Variants in CYLD observed in about 807,000 individuals in gnomAD.
CYLD encodes the protein ubiquitin carboxyl-terminal hydrolase CYLD.
In CYLD, 26 loss-of-function variants were observed where a neutral mutation model predicts 104.5. The observed-to-expected ratio is 0.25, with a 90% confidence interval of 0.18 to 0.35. The LOEUF is 0.35. CYLD is among the 10% of genes least tolerant of loss of function. The probability of loss-of-function intolerance (pLI) is 1.00; values close to 1 mark genes in which losing one functional copy is unlikely to be tolerated. For synonymous variants in CYLD, 385 were observed against 399.9 expected (o/e 0.96, Z 0.45); for missense variants, 703 against 1,136.1 (o/e 0.62, Z 5.48).
In CYLD at chr16:50,800,178, C is replaced by T; in HGVS notation, c.*3670C>T. 1 of 232,898 alleles carries T rather than the reference C, an allele frequency of 4.3e-6. No homozygotes were observed. The highest frequency in any genetic ancestry group is 8.5e-6 in the Non-Finnish European group (1 of 117,856). The allele number at this position is 232,898 out of a possible 1,614,324, so 14.4% of individuals were successfully genotyped here. On this transcript the variant is annotated 3_prime_UTR_variant, in exon 19 of 19. Coordinates refer to ENST00000427738, the MANE Select transcript of CYLD (RefSeq NM_001378743.1). ...TCCTCTGCATAATGAGAGGGTTAGA[C>T]TACTGAATTGTATGGGAAAAAAATA...
At chr16:50,763,783 A>G (rs2150949097) in intron 5 of CYLD, among the ~76,000 whole-genome samples, 1 of 152,270 alleles carries the variant, frequency 6.6e-6, no homozygotes, top group East Asian at 1.9e-4. Context: ...TATTGAATAG[A>G]AGTAGTGATG....
intron 2 of CYLD, among the ~76,000 whole-genome samples, chr16:50,747,045 A>C (rs1190434663): frequency 2.0e-5 from 3 of 152,194 alleles, no homozygotes; most frequent in Non-Finnish European, 4.4e-5. Flanking sequence ...TTTTTCAAAA[A>C]AATTTTGGCC....
chr16:50,785,170 T>A (rs1242402245), intron 12 of CYLD: 1 of 152,146 alleles, frequency 6.6e-6, no homozygotes, highest in Non-Finnish European at 1.5e-5. Context: ...ATTAGGACCA[T>A]AGATCATAAA....
intron 13 of CYLD, chr16:50,787,259 A>C (rs1456661486): frequency 8.8e-6 from 3 of 341,192 alleles, no homozygotes; most frequent in Non-Finnish European, 1.1e-5. Flanking sequence ...GCAGAGTTGC[A>C]TTGGGTTTTC....
At chr16:50,777,567 T>C (rs939871929) in intron 7 of CYLD, among the ~76,000 whole-genome samples, 3 of 152,150 alleles carry the variant, frequency 2.0e-5, no homozygotes, top group African/African-American at 7.2e-5. Context: ...TTTTTAAAAA[T>C]GAGTGGGCTT....
intron 2 of CYLD, among the ~76,000 whole-genome samples, chr16:50,748,046 A>C (rs7198188): frequency 0.012 from 1,778 of 152,344 alleles, 37 homozygotes; most frequent in African/African-American, 0.04. Flanking sequence ...TTGATCATTA[A>C]GTGATTAAAT....
chr16:50,781,118 C>T, intron 9 of CYLD, 128 bp from the exon 10 acceptor site: 1 of 968,010 alleles, frequency 1.0e-6, no homozygotes, highest in Non-Finnish European at 1.6e-6. Context: ...TGATGAGGTT[C>T]TCAGTACAGG....
chr16:50,767,627 A>G (rs1232501124), intron 5 of CYLD, among the ~76,000 whole-genome samples: 1 of 152,170 alleles, frequency 6.6e-6, no homozygotes, highest in African/African-American at 2.4e-5. Context: ...TATACTGAAT[A>G]AGTTAGGAGA....
In CYLD at chr16:50,799,285, ATG is replaced by A. The variant is rs1215436713; in HGVS notation, c.*2785_*2786del. 4.3e-5 allele frequency: 10 copies of A among 233,214 alleles called. No homozygotes were observed. The highest frequency in any genetic ancestry group is 4.2e-5 in the Non-Finnish European group (5 of 118,010). 14.4% of individuals were successfully genotyped at this position (233,214 alleles called of 1,614,324 possible). A position where few individuals can be genotyped will look rare whatever the true frequency, so the allele number is the denominator to read the frequency against. ...TCATGTTCCTCACCTCCAAATAAAT[ATG>A]TGTGTGTCTGTGTGTGTGTATATAT... On this transcript the variant is annotated 3_prime_UTR_variant, in exon 19 of 19. Coordinates refer to ENST00000427738, the MANE Select transcript of CYLD (RefSeq NM_001378743.1).
chr16:50,759,260 T>C (rs758178545), intron 5 of CYLD, among the ~76,000 whole-genome samples: 7 of 152,066 alleles, frequency 4.6e-5, no homozygotes, highest in Non-Finnish European at 8.8e-5. Context: ...AACTTTTTAC[T>C]GTAGAATGTA....
intron 2 of CYLD, among the ~76,000 whole-genome samples, chr16:50,748,400 G>A (rs1050513367): frequency 1.3e-5 from 2 of 152,076 alleles, no homozygotes; most frequent in African/African-American, 4.8e-5. Flanking sequence ...TTTTAAATGA[G>A]GACCAGGTGC....
In CYLD at chr16:50,742,919, A is replaced by G. The variant is rs575871992; in HGVS notation, c.-124+78A>G. On this transcript the variant is annotated intron_variant, in intron 2 of 18. Coordinates refer to ENST00000427738, the MANE Select transcript of CYLD (RefSeq NM_001378743.1). ...GCGAATGGGGGGCGGGGGCGAAGTC[A>G]TGAAATCTTCAGGAGATGGTGTTGA... 3.5e-5 allele frequency: 14 copies of G among 397,380 alleles called. 1 individual carries two copies. The highest frequency in any genetic ancestry group is 2.9e-4 in the African/African-American group (14 of 48,708). The allele number at this position is 397,380 out of a possible 1,614,324, so 24.6% of individuals were successfully genotyped here.
intron 18 of CYLD, among the ~76,000 whole-genome samples, chr16:50,795,107 G>C (rs1157287353): frequency 6.6e-6 from 1 of 152,202 alleles, no homozygotes; most frequent in Admixed American, 6.5e-5. Flanking sequence ...ATCCTGGCAA[G>C]ATGGGGATTA....
At position 50,775,465 on chromosome 16, in the gene CYLD, CT is replaced by C. The variant is rs560613099; in HGVS notation, c.922+295del. On this transcript the variant is annotated intron_variant, in intron 6 of 18. Transcript: ENST00000427738. ...TATGCATAATTCTCTATGTTTTCCT[CT>C]TTTATATGTATAAGTGTTTGTATAC... Among the ~76,000 whole-genome samples the C allele has an allele frequency of 7.9e-5, 12 of 152,238 alleles. No homozygotes were observed. The South Asian group carries it at 2.3e-3, about 29-fold the overall frequency.
Position 50,793,715 on chromosome 16 carries a change from T to C in CYLD, c.2469+51T>C, listed in dbSNP as rs755293083. ...AAACTTTTGTTGAACAGTAACTTATTTATAGTTGAAAACACAATGCTCGTT... is the reference window on the plus strand; with the variant it reads ...AAACTTTTGTTGAACAGTAACTTATCTATAGTTGAAAACACAATGCTCGTT... On this transcript the variant is annotated intron_variant, in intron 17 of 18. Transcript: ENST00000427738. 3.4e-6 allele frequency: 4 copies of C among 1,168,138 alleles called. No individual in the cohort carries two copies. In the East Asian group the frequency reaches 7.0e-5, roughly 20 times the overall value. The allele number at this position is 1,168,138 out of a possible 1,614,324, so 72.4% of individuals were successfully genotyped here.
intron 5 of CYLD, among the ~76,000 whole-genome samples, chr16:50,762,848 A>G (rs987143443): frequency 1.3e-5 from 2 of 152,250 alleles, no homozygotes; most frequent in South Asian, 2.1e-4. Context: ...ATGTAGAAAT[A>G]CAATTGACTT....
chr16:50,793,865 A>G (rs1430015700), intron 17 of CYLD, among the ~76,000 whole-genome samples: 1 of 151,770 alleles, frequency 6.6e-6, no homozygotes, highest in African/African-American at 2.4e-5. Context: ...GGATGTATTT[A>G]GTAAGAGTAA....
intron 1 of CYLD, 84 bp from the exon 2 acceptor site, chr16:50,742,678 T>G: frequency 1.3e-5 from 5 of 384,132 alleles, no homozygotes; most frequent in Non-Finnish European, 1.4e-5. Context: ...TACCGATCGA[T>G]TTTGCGGGTG....
In CYLD at chr16:50,775,291, T is replaced by C. The variant is rs1969558749; in HGVS notation, c.922+117T>C. ...TTGATCAGTATTTAGGAGTATTCTA[T>C]GATCATTGCTGGGCTTTAAGGTCTA... On this transcript the variant is annotated intron_variant, in intron 6 of 18. Transcript: ENST00000427738. 1.3e-5 allele frequency: 10 copies of C among 789,838 alleles called. No homozygotes were observed. In the South Asian group the frequency reaches 1.6e-4, roughly 13 times the overall value. The allele number at this position is 789,838 out of a possible 1,614,324, so 48.9% of individuals were successfully genotyped here.
Sources: gnomAD v4.1 joint callset for allele counts (sites outside exome capture counted in the v4.1 genomes callset) on GRCh38, gnomAD v4.1.1 for gene constraint, MANE v1.5 for transcripts, NCBI Gene and HGNC (gene_info 2026-07-23, HGNC 2026-07-21) for gene names.